The following NXPH2 variants were observed in gnomAD, a reference collection of about 807,000 sequenced individuals.
The protein encoded by NXPH2 is neurexophilin 2.
In NXPH2, 5 loss-of-function variants were observed where a neutral mutation model predicts 19.8. That is an observed-to-expected ratio of 0.25 (90% confidence interval 0.13 to 0.53). The LOEUF is 0.53. Ranked by LOEUF, NXPH2 falls within the 20% of genes least tolerant of loss-of-function variation. The pLI, the probability that NXPH2 is intolerant of heterozygous loss-of-function variation, is 0.96. For missense variants in NXPH2, 289 were observed against 322.8 expected (o/e 0.90, Z 0.80); for synonymous variants, 154 against 127.4 (o/e 1.21, Z -1.41).
At chr2:138,710,852 AC>A in intron 1 of NXPH2, among the ~76,000 whole-genome samples, 1 of 151,764 alleles carries the variant, frequency 6.6e-6, no homozygotes. Flanking sequence ...CATCTAAACC[AC>A]CCATGCCAAA....
At chr2:138,690,053 C>T (rs7594562) in intron 1 of NXPH2, among the ~76,000 whole-genome samples, 114,549 of 152,108 alleles carry the variant, frequency 0.75, 43,833 homozygotes, top group African/African-American at 0.83. Context: ...CTGTCCCTTA[C>T]GCGATAATAA....
At chr2:138,766,418 T>C (rs554487623) in intron 1 of NXPH2, among the ~76,000 whole-genome samples, 12 of 152,228 alleles carry the variant, frequency 7.9e-5, no homozygotes, top group African/African-American at 2.9e-4. Flanking sequence ...CAGGGGACAT[T>C]TGTCAATGTC....
intron 1 of NXPH2, among the ~76,000 whole-genome samples, chr2:138,678,688 T>C (rs931844211): frequency 1.3e-5 from 2 of 152,196 alleles, no homozygotes; most frequent in African/African-American, 4.8e-5. Context: ...ATTAATTCCC[T>C]AAAAATTGTA....
At chr2:138,723,558 C>T (rs1285419739) in intron 1 of NXPH2, among the ~76,000 whole-genome samples, 1 of 152,208 alleles carries the variant, frequency 6.6e-6, no homozygotes, top group South Asian at 2.1e-4. Context: ...CCATGTGGAA[C>T]CCTGGCCCTA....
intron 1 of NXPH2, among the ~76,000 whole-genome samples, chr2:138,715,693 G>A (rs558853202): frequency 2.6e-5 from 4 of 152,296 alleles, no homozygotes; most frequent in East Asian, 1.9e-4. Flanking sequence ...TATTCTGGCG[G>A]TAGAGGGCTT....
At chr2:138,754,993 A>C (rs1277285013) in intron 1 of NXPH2, among the ~76,000 whole-genome samples, 2 of 152,212 alleles carry the variant, frequency 1.3e-5, no homozygotes, top group South Asian at 2.1e-4. Context: ...ACATATGTTT[A>C]TGTGTTATCA....
At chr2:138,757,813 TTATCTATCTATCTATC>T (rs57043046) in intron 1 of NXPH2, among the ~76,000 whole-genome samples, 1,929 of 147,608 alleles carry the variant, frequency 0.013, 9 homozygotes, top group Non-Finnish European at 0.015. Context: ...GTGTGTTTCT[TTATCTATCTATCTATC>T]TATCTATCTA....
intron 1 of NXPH2, among the ~76,000 whole-genome samples, chr2:138,692,601 G>A (rs1680761874): frequency 6.6e-6 from 1 of 152,114 alleles, no homozygotes; most frequent in African/African-American, 2.4e-5. Context: ...CCAAGAGAAA[G>A]CAGATGAAAT....
At chr2:138,742,838 T>C (rs1681665692) in intron 1 of NXPH2, among the ~76,000 whole-genome samples, 1 of 152,132 alleles carries the variant, frequency 6.6e-6, no homozygotes, top group Non-Finnish European at 1.5e-5. Context: ...ATCCAGGAGG[T>C]CTAGAGACTG....
intron 1 of NXPH2, among the ~76,000 whole-genome samples, chr2:138,769,603 C>A (rs1682144573): frequency 6.6e-6 from 1 of 152,150 alleles, no homozygotes; most frequent in African/African-American, 2.4e-5. Context: ...AGGAGAACCA[C>A]ACGCAGGCAG....
chr2:138,700,339 A>T (rs1322793229), intron 1 of NXPH2, among the ~76,000 whole-genome samples: 1 of 152,158 alleles, frequency 6.6e-6, no homozygotes, highest in Non-Finnish European at 1.5e-5. Context: ...ATAAACCTTA[A>T]CTATTCAACA....
chr2:138,711,339 C>T (rs1681103267), intron 1 of NXPH2, among the ~76,000 whole-genome samples: 1 of 151,910 alleles, frequency 6.6e-6, no homozygotes, highest in South Asian at 2.1e-4. Context: ...CAGGGTTTCA[C>T]CATGTTAGTC....
intron 1 of NXPH2, among the ~76,000 whole-genome samples, chr2:138,679,070 G>A (rs1050484017): frequency 1.3e-5 from 2 of 152,200 alleles, no homozygotes; most frequent in Non-Finnish European, 2.9e-5. Flanking sequence ...CATTGTGATA[G>A]CTCCGCTTCT....
chr2:138,730,853 C>T (rs372168481), intron 1 of NXPH2, among the ~76,000 whole-genome samples: 25 of 152,280 alleles, frequency 1.6e-4, no homozygotes, highest in African/African-American at 3.8e-4. Context: ...TGCTGTTTTA[C>T]GCCACTGGGT....
chr2:138,712,556 C>T (rs1681120541), intron 1 of NXPH2, among the ~76,000 whole-genome samples: 1 of 152,184 alleles, frequency 6.6e-6, no homozygotes, highest in Admixed American at 6.5e-5. Flanking sequence ...CTGCTTCCCC[C>T]AAATTCGGTG....
chr2:138,707,107 A>AAAAAAAAAAAAAAAAAAAAC (rs1558918445), intron 1 of NXPH2, among the ~76,000 whole-genome samples: 2 of 146,620 alleles, frequency 1.4e-5, no homozygotes, highest in African/African-American at 5.0e-5. Context: ...AAAAAAAAAA[A>AAAAAAAAAAAAAAAAAAAAC]AAAAAGAGCA....
chr2:138,727,816 T>C (rs1017899642), intron 1 of NXPH2, among the ~76,000 whole-genome samples: 3 of 152,180 alleles, frequency 2.0e-5, no homozygotes, highest in Non-Finnish European at 4.4e-5. Flanking sequence ...AAAATAAATA[T>C]GAGCCCACTT....
chr2:138,773,374 T>C (rs904791436), intron 1 of NXPH2, among the ~76,000 whole-genome samples: 23 of 152,326 alleles, frequency 1.5e-4, no homozygotes, highest in African/African-American at 5.1e-4. Context: ...CAAAACTTCA[T>C]TAATACATAT....
intron 1 of NXPH2, among the ~76,000 whole-genome samples, chr2:138,674,156 T>A (rs1680452550): frequency 2.0e-5 from 3 of 152,140 alleles, no homozygotes; most frequent in Non-Finnish European, 4.4e-5. Context: ...TTTCTTTTTT[T>A]TCTTTTTCTT....
Sources: allele counts gnomAD v4.1 joint callset (sites outside exome capture counted in the v4.1 genomes callset), GRCh38; gene constraint gnomAD v4.1.1; transcripts MANE v1.5; gene names NCBI Gene and HGNC (gene_info 2026-07-23, HGNC 2026-07-21).